The following RTL9 variants were observed in gnomAD, a reference collection of about 807,000 sequenced individuals.
RTL9 encodes the protein retrotransposon Gag like 9.
RTL9 carries 19 observed loss-of-function variants against 44.7 expected under a neutral mutation model. That is an observed-to-expected ratio of 0.42 (90% confidence interval 0.30 to 0.62). The LOEUF is 0.62. RTL9 is among the 20% of genes least tolerant of loss of function. The pLI, the probability that RTL9 is intolerant of heterozygous loss-of-function variation, is 0.16. For missense variants in RTL9, 1,105 were observed against 1,080.6 expected (o/e 1.02, Z -0.32); for synonymous variants, 407 against 398.9 (o/e 1.02, Z -0.24).
At chrX:110,390,892 G>C (rs774978994) in intron 1 of RTL9, among the ~76,000 whole-genome samples, 2 of 111,396 alleles carry the variant, frequency 1.8e-5, no homozygotes, top group Non-Finnish European at 3.8e-5. Flanking sequence ...ATTTATTCTT[G>C]AACCAGCTTC....
intron 1 of RTL9, among the ~76,000 whole-genome samples, chrX:110,374,975 A>G (rs1248345778): frequency 5.4e-5 from 6 of 111,366 alleles, no homozygotes; most frequent in Non-Finnish European, 5.6e-5. Context: ...TGACTGGCCA[A>G]TGAAAGGCTA....
intron 1 of RTL9, among the ~76,000 whole-genome samples, chrX:110,370,757 A>G (rs1284008201): frequency 8.9e-6 from 1 of 112,310 alleles, no homozygotes; most frequent in Non-Finnish European, 1.9e-5. Flanking sequence ...GGACCTGTGG[A>G]GTCCACATGG....
At chrX:110,454,021 C>T in exon 1 of RTL9, 5 of 1,212,098 alleles carry the variant, frequency 4.1e-6, no homozygotes, top group Non-Finnish European at 4.5e-6. Flanking sequence ...AAACCACCAC[C>T]AAAGGAAGTG....
At chrX:110,419,754 G>A (rs781316788) in intron 1 of RTL9, among the ~76,000 whole-genome samples, 24 of 112,565 alleles carry the variant, frequency 2.1e-4, no homozygotes, top group African/African-American at 7.7e-4. Flanking sequence ...AAAGGGAAGA[G>A]TTTGTTGAAA....
chrX:110,428,680 C>T (rs778023228), intron 1 of RTL9, among the ~76,000 whole-genome samples: 4 of 111,257 alleles, frequency 3.6e-5, no homozygotes, highest in African/African-American at 1.3e-4. Context: ...AGTCATTCCT[C>T]ATTGTCTGCA....
upstream of RTL9, among the ~76,000 whole-genome samples, chrX:110,417,636 A>G (rs1047311901): frequency 1.8e-5 from 2 of 111,859 alleles, no homozygotes; most frequent in African/African-American, 6.5e-5. Flanking sequence ...AGTGGAAGAG[A>G]CTGGCCCAAG....
At chrX:110,423,094 G>A (rs2068729436) in intron 1 of RTL9, among the ~76,000 whole-genome samples, 1 of 111,993 alleles carries the variant, frequency 8.9e-6, no homozygotes, top group Non-Finnish European at 1.9e-5. Flanking sequence ...TTGGGTGGCC[G>A]AGGCAGGCGG....
chrX:110,420,599 A>C (rs907813604), intron 1 of RTL9, among the ~76,000 whole-genome samples: 5 of 112,307 alleles, frequency 4.5e-5, no homozygotes, highest in Non-Finnish European at 9.4e-5. Context: ...GGACTTAAAC[A>C]AACTTTCAGT....
chrX:110,429,944 G>A (rs1303398594), intron 1 of RTL9, among the ~76,000 whole-genome samples: 1 of 112,016 alleles, frequency 8.9e-6, no homozygotes, highest in East Asian at 2.8e-4. Context: ...TGGCTTCATC[G>A]TGTTCTTTGT....
chrX:110,432,629 C>T (rs760008537), intron 1 of RTL9, among the ~76,000 whole-genome samples: 13 of 112,210 alleles, frequency 1.2e-4, no homozygotes, highest in Admixed American at 5.6e-4. Context: ...TCTGAAACCC[C>T]TCCTGTCCCT....
upstream of RTL9, among the ~76,000 whole-genome samples, chrX:110,448,668 T>TG (rs1443450239): frequency 5.6e-3 from 5 of 889 alleles, no homozygotes; most frequent in Non-Finnish European, 0.012. Context: ...TCAGGAGCAG[T>TG]GGGGCGGGTG....
upstream of RTL9, among the ~76,000 whole-genome samples, chrX:110,415,839 C>A (rs2068673582): frequency 9.0e-6 from 1 of 111,102 alleles, no homozygotes; most frequent in Admixed American, 9.5e-5. Flanking sequence ...AGTGGGGAAA[C>A]TGATTGTCCA....
At chrX:110,439,509 AG>A (rs746138939) in intron 1 of RTL9, among the ~76,000 whole-genome samples, 8 of 112,333 alleles carry the variant, frequency 7.1e-5, no homozygotes, top group Non-Finnish European at 1.1e-4. Flanking sequence ...AGAAGCCAGC[AG>A]GGGCTGTGCT....
chrX:110,363,644 A>G (rs180971626), intron 1 of RTL9, among the ~76,000 whole-genome samples: 427 of 111,617 alleles, frequency 3.8e-3, no homozygotes, highest in Middle Eastern at 0.014. Context: ...AGTTGCTTTT[A>G]TTACTCTGTG....
At chrX:110,405,089 C>T (rs947531640) in intron 1 of RTL9, among the ~76,000 whole-genome samples, 2 of 43,234 alleles carry the variant, frequency 4.6e-5, no homozygotes, top group Non-Finnish European at 6.9e-5. Context: ...CTTGTTGTGT[C>T]CCCCCCCCCC....
upstream of RTL9, among the ~76,000 whole-genome samples, chrX:110,414,575 C>G (rs1054945078): frequency 8.8e-6 from 1 of 113,220 alleles, no homozygotes; most frequent in African/African-American, 3.2e-5. Flanking sequence ...AGCTGAGGCA[C>G]AGACAGGTTA....
exon 1 of RTL9, chrX:110,454,089 G>C (rs2068965565): frequency 8.3e-7 from 1 of 1,210,591 alleles, no homozygotes; most frequent in Non-Finnish European, 1.1e-6. Flanking sequence ...GCAGGAAGCA[G>C]CCCGGGGCTC....
intron 1 of RTL9, among the ~76,000 whole-genome samples, chrX:110,374,244 T>C (rs1272170012): frequency 9.0e-6 from 1 of 111,697 alleles, no homozygotes; most frequent in East Asian, 2.8e-4. Context: ...AAAATGAAAA[T>C]CTTGAAACCT....
At chrX:110,368,657 C>G (rs960551636) in intron 1 of RTL9, among the ~76,000 whole-genome samples, 2 of 111,919 alleles carry the variant, frequency 1.8e-5, no homozygotes, top group South Asian at 7.4e-4. Context: ...TAGTACTTGT[C>G]ATTTTCTGAT....
Sources: gnomAD v4.1 joint callset for allele counts (sites outside exome capture counted in the v4.1 genomes callset) on GRCh38, gnomAD v4.1.1 for gene constraint, MANE v1.5 for transcripts, NCBI Gene and HGNC (gene_info 2026-07-23, HGNC 2026-07-21) for gene names.